PARP1: variants seen among roughly 807,000 people sequenced by gnomAD.
PARP1 encodes the protein poly(ADP-ribose) polymerase 1.
A neutral mutation model predicts 118.7 loss-of-function variants in PARP1; 44 were observed. The ratio of observed to expected loss-of-function variants is 0.37; its 90% CI spans 0.29 to 0.48. The LOEUF (loss-of-function observed/expected upper bound fraction) is 0.48. Ranked by LOEUF, PARP1 falls within the 20% of genes least tolerant of loss-of-function variation. PARP1 has a pLI of 0.99. For synonymous variants in PARP1, 492 were observed against 483.2 expected (o/e 1.02, Z -0.24); for missense variants, 1,100 against 1,272.4 (o/e 0.86, Z 2.06).
At chr1:226,378,101 C>T (rs150576556) in intron 12 of PARP1, among the ~76,000 whole-genome samples, 65 of 152,168 alleles carry the variant, frequency 4.3e-4, no homozygotes, top group African/African-American at 1.4e-3. Context: ...CCTTGATCTA[C>T]GTTGAAAATT....
chr1:226,375,299 CTATT>C (rs1180325823), intron 13 of PARP1, among the ~76,000 whole-genome samples: 1 of 152,218 alleles, frequency 6.6e-6, no homozygotes, highest in African/African-American at 2.4e-5. Flanking sequence ...TTCAAAACCC[CTATT>C]TAAGTGCATC....
intron 2 of PARP1, among the ~76,000 whole-genome samples, chr1:226,395,092 C>T (rs1664889776): frequency 6.6e-6 from 1 of 151,576 alleles, no homozygotes. Flanking sequence ...CAGTGAGATA[C>T]TACTTCACAC....
chr1:226,382,919 G>A, intron 8 of PARP1, 117 bp downstream of exon 8: 1 of 1,168,492 alleles, frequency 8.6e-7, no homozygotes, highest in South Asian at 1.2e-5. Context: ...CCCATGGTGG[G>A]GTCAGCAAAG....
rs1490904628 is a variant in PARP1, at chr1:226,386,359, G to A, written c.801C>T (p.Phe267=). The change falls in exon 6 of 23, where the codon TTC becomes TTT. Residue 267 remains phenylalanine (F), a synonymous_variant. Coordinates refer to ENST00000366794, the MANE Select transcript of PARP1 (RefSeq NM_001618.4). ...STNDLKELLI[F]NKQQVPSGES... ...CCCCAGAAGGCACTTGCTGCTTGTT[G>A]AAGATGAGTAGCTCCTTCAGGTCAT... 1.2e-6 allele frequency: 2 copies of A among 1,613,400 alleles called. No homozygotes were observed. The highest frequency in any genetic ancestry group is 8.5e-7 in the Non-Finnish European group (1 of 1,179,306).
chr1:226,385,640 A>G lies in PARP1; in HGVS notation c.875T>C (p.Leu292Pro). The stretch of plus-strand genomic sequence containing the variant: ...ACCCGAGCATTCCTCGCAGGGAAGG[A>G]GGGCACCGAACACCATGCCATCAGC... Reference protein sequence around the residue: ...RVADGMVFGALLPCEECSGQL... With the variant: ...RVADGMVFGAPLPCEECSGQL... Residue 292 changes from leucine to proline, a missense_variant, in exon 7 of 23, where the codon CTC (leucine) becomes CCC (proline). Leu to Pro is a moderately conservative substitution (Grantham distance 98, BLOSUM62 -3). Transcript: ENST00000366794. 6.2e-7 allele frequency: 1 copy of G among 1,614,190 alleles called. No homozygotes were observed. The highest frequency in any genetic ancestry group is 1.3e-5 in the African/African-American group (1 of 75,054).
In PARP1 at chr1:226,403,734, G is replaced by A. The variant is rs988178065; in HGVS notation, c.121-1355C>T. On this transcript the variant is annotated intron_variant, in intron 1 of 22. Transcript: ENST00000366794. ...ACCACACTCCACTGCCCGGCAGGAA[G>A]AGCTACTTAAAAATACACCAACTGT... 2.6e-5 allele frequency among the ~76,000 whole-genome samples: 4 copies of A among 152,190 alleles called. No homozygotes were observed. In the South Asian group the frequency reaches 6.2e-4, roughly 24 times the overall value.
chr1:226,364,218 CAA>C (rs1259637293), intron 19 of PARP1, 148 bp from the exon 20 acceptor site: 16 of 780,870 alleles, frequency 2.0e-5, no homozygotes, highest in Non-Finnish European at 3.3e-5. Context: ...GAGGAAATAC[CAA>C]AGTTTTAGCT....
intron 1 of PARP1, among the ~76,000 whole-genome samples, chr1:226,403,236 T>C (rs1413299391): frequency 6.6e-6 from 1 of 152,226 alleles, no homozygotes; most frequent in Non-Finnish European, 1.5e-5. Flanking sequence ...CTGAGTGCAG[T>C]GGTGCGATCT....
chr1:226,366,254 T>C (rs1342070489), intron 17 of PARP1: 5 of 579,420 alleles, frequency 8.6e-6, no homozygotes, highest in Non-Finnish European at 1.6e-5. Flanking sequence ...CACCTCTTCA[T>C]CTACTTGGGC....
At chr1:226,402,523 G>A in intron 1 of PARP1, 144 bp from the exon 2 acceptor site, 1 of 790,286 alleles carries the variant, frequency 1.3e-6, no homozygotes, top group South Asian at 1.5e-5. Context: ...TCTGTGAAAG[G>A]AGGACAGCCT....
chr1:226,404,448 C>G (rs1232292412), intron 1 of PARP1, among the ~76,000 whole-genome samples: 1 of 152,192 alleles, frequency 6.6e-6, no homozygotes, highest in African/African-American at 2.4e-5. Flanking sequence ...GTTCCAGTTA[C>G]CCTTGTATAA....
chr1:226,400,505 C>T (rs897452903), intron 2 of PARP1, among the ~76,000 whole-genome samples: 5 of 152,206 alleles, frequency 3.3e-5, no homozygotes, highest in African/African-American at 1.2e-4. Context: ...TCTGTATCCC[C>T]AGGGTGGGCT....
At chr1:226,386,686 T>TG (rs1333388327) in intron 5 of PARP1, among the ~76,000 whole-genome samples, 1 of 152,102 alleles carries the variant, frequency 6.6e-6, no homozygotes, top group Non-Finnish European at 1.5e-5. Context: ...CCTAAGGGTG[T>TG]GGGGGAGACT....
intron 14 of PARP1, chr1:226,371,092 T>C: frequency 6.4e-6 from 1 of 156,106 alleles, no homozygotes; most frequent in Admixed American, 6.1e-5. Flanking sequence ...GGGAACTGCC[T>C]GCCATCAAGA....
intron 2 of PARP1, chr1:226,392,782 G>C (rs183006430): frequency 3.1e-6 from 2 of 642,200 alleles, no homozygotes. Context: ...TGTACTAAAG[G>C]TATCATTTCA....
chr1:226,400,597 C>A (rs1665015753), intron 2 of PARP1, among the ~76,000 whole-genome samples: 1 of 152,192 alleles, frequency 6.6e-6, no homozygotes, highest in Non-Finnish European at 1.5e-5. Context: ...CCTGGCATAC[C>A]CACCCTGTAG....
At chr1:226,364,661 CCTG>C (rs3219141) in intron 19 of PARP1, among the ~76,000 whole-genome samples, 2,523 of 152,330 alleles carry the variant, frequency 0.017, 41 homozygotes, top group Non-Finnish European at 0.027. Context: ...GCTACGTTTT[CCTG>C]CTGAAGACAC....
At chr1:226,365,664 G>A (rs1000403073) in intron 18 of PARP1, among the ~76,000 whole-genome samples, 4 of 152,058 alleles carry the variant, frequency 2.6e-5, no homozygotes, top group African/African-American at 9.7e-5. Context: ...CTACTCTGGA[G>A]GCTGAGACAG....
chr1:226,370,526 A>C lies in PARP1; in HGVS notation c.2071-9T>G, dbSNP rs1463245848. Reference sequence around the variant, plus strand: ...ATCTTCTGAAGGTCGATCTGAGGAGACAGGGGATTTCGCTCTGAAAGCTGG... The same window carrying C: ...ATCTTCTGAAGGTCGATCTGAGGAGCCAGGGGATTTCGCTCTGAAAGCTGG... On this transcript the variant is annotated splice_polypyrimidine_tract_variant and intron_variant, in intron 14 of 22. Transcript: ENST00000366794. 1 of 1,611,068 alleles carries C rather than the reference A, an allele frequency of 6.2e-7. No homozygotes were observed. Among genetic ancestry groups the C allele is most frequent in the Admixed American group, 1.7e-5 (1 of 60,010 alleles).
Sources: gnomAD v4.1 joint callset for allele counts (sites outside exome capture counted in the v4.1 genomes callset) on GRCh38, gnomAD v4.1.1 for gene constraint, MANE v1.5 for transcripts, NCBI Gene and HGNC (gene_info 2026-07-23, HGNC 2026-07-21) for gene names.